TNIK: variants seen among roughly 807,000 people sequenced by gnomAD.
The protein encoded by TNIK is TRAF2 and NCK interacting kinase, also known as TRAF2 and NCK-interacting protein kinase.
In TNIK, 49 loss-of-function variants were observed where a neutral mutation model predicts 191.3. That is an observed-to-expected ratio of 0.26 (90% CI 0.20 to 0.32). The LOEUF (loss-of-function observed/expected upper bound fraction) is 0.32, where lower values mean the gene tolerates loss of function less well. TNIK is among the 10% of genes least tolerant of loss of function. TNIK has a pLI of 1.00. For missense variants in TNIK, 1,155 were observed against 1,702.3 expected (o/e 0.68, Z 5.66); for synonymous variants, 594 against 600.9 (o/e 0.99, Z 0.17).
chr3:171,236,170 A>G (rs908072474), intron 2 of TNIK, among the ~76,000 whole-genome samples: 2 of 152,116 alleles, frequency 1.3e-5, no homozygotes, highest in Non-Finnish European at 2.9e-5. Flanking sequence ...GGAAAACATC[A>G]AGTTTCTAGG....
At chr3:171,301,309 C>T (rs989200652) in intron 2 of TNIK, among the ~76,000 whole-genome samples, 80 of 143,188 alleles carry the variant, frequency 5.6e-4, no homozygotes, top group Non-Finnish European at 9.9e-4. Context: ...AAACAACTAG[C>T]TGGACTTTTT....
intron 25 of TNIK, 67 bp downstream of exon 25, chr3:171,085,051 T>G: frequency 7.7e-7 from 1 of 1,304,938 alleles, no homozygotes; most frequent in Non-Finnish European, 1.1e-6. Flanking sequence ...AGGATTAATT[T>G]CCTTATCAGG....
intron 1 of TNIK, among the ~76,000 whole-genome samples, chr3:171,410,704 G>T (rs576403178): frequency 6.9e-6 from 1 of 145,248 alleles, no homozygotes; most frequent in Non-Finnish European, 1.5e-5. Flanking sequence ...GCATGAACCC[G>T]GGAGGTGGAG....
intron 1 of TNIK, among the ~76,000 whole-genome samples, chr3:171,380,027 G>GCA (rs1394015951): frequency 5.4e-5 from 8 of 147,302 alleles, no homozygotes; most frequent in South Asian, 2.1e-4. Flanking sequence ...ACACACACAC[G>GCA]CGCACACACA....
chr3:171,170,631 T>C (rs1255389335), intron 9 of TNIK, among the ~76,000 whole-genome samples: 1 of 152,246 alleles, frequency 6.6e-6, no homozygotes, highest in African/African-American at 2.4e-5. Context: ...GTGCCTGGTA[T>C]CATAAATGCC....
At chr3:171,205,496 G>A (rs188128035) in intron 4 of TNIK, among the ~76,000 whole-genome samples, 1 of 152,296 alleles carries the variant, frequency 6.6e-6, no homozygotes, top group Non-Finnish European at 1.5e-5. Context: ...TAATTGAAGT[G>A]GGGTAAGTTG....
At chr3:171,276,325 A>C (rs1157604807) in intron 2 of TNIK, among the ~76,000 whole-genome samples, 2 of 152,200 alleles carry the variant, frequency 1.3e-5, no homozygotes, top group African/African-American at 4.8e-5. Context: ...GATCTGAAGG[A>C]GGAACTTCCA....
intron 11 of TNIK, among the ~76,000 whole-genome samples, chr3:171,158,373 G>T (rs1461351530): frequency 1.3e-5 from 2 of 152,222 alleles, no homozygotes; most frequent in Admixed American, 1.3e-4. Flanking sequence ...TAAAATGGTG[G>T]TTGTACATGA....
At chr3:171,080,836 T>G (rs578223267) in intron 27 of TNIK, among the ~76,000 whole-genome samples, 1 of 152,348 alleles carries the variant, frequency 6.6e-6, no homozygotes, top group Non-Finnish European at 1.5e-5. Context: ...AGTATTCAAT[T>G]TTGTAACCAA....
At chr3:171,390,761 T>A (rs1719393238) in intron 1 of TNIK, among the ~76,000 whole-genome samples, 1 of 152,212 alleles carries the variant, frequency 6.6e-6, no homozygotes, top group Non-Finnish European at 1.5e-5. Flanking sequence ...CTCACACCTA[T>A]CCTTCATGAG....
At chr3:171,421,626 C>T (rs1257557198) in intron 1 of TNIK, among the ~76,000 whole-genome samples, 1 of 151,484 alleles carries the variant, frequency 6.6e-6, no homozygotes, top group South Asian at 2.1e-4. Context: ...CATAAGATAA[C>T]ATATGAAGAT....
chr3:171,093,662 C>A (rs1722348236), intron 23 of TNIK, among the ~76,000 whole-genome samples, 177 bp downstream of exon 23: 1 of 152,198 alleles, frequency 6.6e-6, no homozygotes, highest in Non-Finnish European at 1.5e-5. Flanking sequence ...TAGAAGAATA[C>A]AGGAAAGAAG....
chr3:171,263,643 T>C (rs1747967709), intron 2 of TNIK, among the ~76,000 whole-genome samples: 1 of 152,124 alleles, frequency 6.6e-6, no homozygotes, highest in South Asian at 2.1e-4. Context: ...GGAAAAATTC[T>C]TTCCTAAAGG....
chr3:171,102,211 A>G (rs1723688749), intron 21 of TNIK: 1 of 152,168 alleles, frequency 6.6e-6, no homozygotes, highest in African/African-American at 2.4e-5. Context: ...GTCTAGTGCC[A>G]CTGAAATTTA....
Position 171,190,785 on chromosome 3 carries a change from C to A in TNIK, c.420G>T (p.Gly140=). 6.3e-7 allele frequency: 1 copy of A among 1,587,826 alleles called. No individual in the cohort carries two copies. Among genetic ancestry groups the A allele is most frequent in the Non-Finnish European group, 8.6e-7 (1 of 1,165,476 alleles). Residue 140 remains glycine (G), a splice_region_variant and synonymous_variant, in exon 6 of 33, where the codon GGG becomes GGT. Coordinates refer to ENST00000436636, the MANE Select transcript of TNIK (RefSeq NM_015028.4). ...IAYICREILR[G]LSHLHQHKVI... is the part of the protein sequence containing the mutation. ...CTTTATGCTGGTGCAGGTGACTCAG[C>A]CCCTGGAGTGATGGAGAGTTAAGAA...
In TNIK at chr3:171,190,756, A is replaced by G; in HGVS notation, c.449T>C (p.Ile150Thr). 1 of 1,596,800 alleles carries G rather than the reference A, an allele frequency of 6.3e-7. No homozygotes were observed. ...ATTTTGCCCTTTAATATCTCGATGA[A>G]TCACTTTATGCTGGTGCAGGTGACT... ...GLSHLHQHKV[I>T]HRDIKGQNVL... Residue 150 changes from isoleucine to threonine, a missense_variant, in exon 6 of 33, where the codon ATT (isoleucine) becomes ACT (threonine). Ile to Thr is a moderately conservative substitution (Grantham distance 89). Coordinates refer to ENST00000436636, the MANE Select transcript of TNIK (RefSeq NM_015028.4).
intron 17 of TNIK, among the ~76,000 whole-genome samples, chr3:171,124,428 G>T (rs6782845): frequency 0.89 from 135,828 of 152,206 alleles, 60,938 homozygotes; most frequent in East Asian, 1. Flanking sequence ...TGTATTATTA[G>T]CTTATCTGGC....
chr3:171,384,693 A>G (rs1718497452), intron 1 of TNIK, among the ~76,000 whole-genome samples: 1 of 152,234 alleles, frequency 6.6e-6, no homozygotes, highest in Non-Finnish European at 1.5e-5. Context: ...GGATTCAGAT[A>G]TTTATGGCAT....
intron 1 of TNIK, among the ~76,000 whole-genome samples, chr3:171,377,778 T>C (rs1199005835): frequency 6.6e-6 from 1 of 152,218 alleles, no homozygotes; most frequent in Admixed American, 6.6e-5. Context: ...ATATAAAGCA[T>C]TTAGCACAAT....
Sources: gnomAD v4.1 joint callset for allele counts (sites outside exome capture counted in the v4.1 genomes callset) on GRCh38, gnomAD v4.1.1 for gene constraint, MANE v1.5 for transcripts, NCBI Gene and HGNC (gene_info 2026-07-23, HGNC 2026-07-21) for gene names.